Variants in DMRT1 observed in about 807,000 individuals in gnomAD.
The protein encoded by DMRT1 is doublesex- and mab-3-related transcription factor 1.
In DMRT1, 7 loss-of-function variants were observed where a neutral mutation model predicts 32.3. That is an observed-to-expected ratio of 0.22 (90% confidence interval 0.12 to 0.41). DMRT1 has a LOEUF of 0.41. Among genes scored for constraint, DMRT1 ranks in the 10% least tolerant of loss-of-function variants. The pLI is 1.00. For synonymous variants in DMRT1, 278 were observed against 206.1 expected (o/e 1.35, Z -2.99); for missense variants, 625 against 500.5 (o/e 1.25, Z -2.37).
At chr9:892,772 G>A (rs932540860) in intron 2 of DMRT1, among the ~76,000 whole-genome samples, 4 of 152,050 alleles carry the variant, frequency 2.6e-5, no homozygotes, top group South Asian at 2.1e-4. Context: ...ACTGAGGCCC[G>A]CCTCACCTTA....
chr9:884,472 G>A (rs916248855), intron 2 of DMRT1, among the ~76,000 whole-genome samples: 1 of 152,078 alleles, frequency 6.6e-6, no homozygotes, highest in Non-Finnish European at 1.5e-5. Flanking sequence ...TAGAATAAGA[G>A]GTGACTGAGC....
intron 2 of DMRT1, among the ~76,000 whole-genome samples, chr9:864,191 CTTCTT>C (rs1815855677): frequency 3.1e-5 from 2 of 64,738 alleles, no homozygotes; most frequent in Non-Finnish European, 9.9e-5. Context: ...ATTCTTTTAA[CTTCTT>C]CTTCTTCTTT....
intron 2 of DMRT1, among the ~76,000 whole-genome samples, chr9:866,825 C>A (rs1708609573): frequency 6.6e-6 from 1 of 152,130 alleles, no homozygotes; most frequent in African/African-American, 2.4e-5. Context: ...TTATCACCCT[C>A]TCCCTCAATT....
At chr9:857,642 A>G (rs967107051) in intron 2 of DMRT1, among the ~76,000 whole-genome samples, 1 of 151,792 alleles carries the variant, frequency 6.6e-6, no homozygotes, top group Admixed American at 6.6e-5. Flanking sequence ...TTCTATTATT[A>G]TACTTTAAGT....
chr9:961,582 T>C (rs10977837), intron 4 of DMRT1, among the ~76,000 whole-genome samples: 1,649 of 152,262 alleles, frequency 0.011, 40 homozygotes, highest in East Asian at 0.089. Context: ...CTCAAAAAGA[T>C]TGAAAAAGGC....
At chr9:918,890 G>C (rs1818267725) in intron 4 of DMRT1, among the ~76,000 whole-genome samples, 1 of 152,142 alleles carries the variant, frequency 6.6e-6, no homozygotes, top group African/African-American at 2.4e-5. Context: ...AAAGCAAGTG[G>C]GAAGGTAAAG....
chr9:856,511 T>C (rs561731048), intron 2 of DMRT1, among the ~76,000 whole-genome samples: 3 of 152,356 alleles, frequency 2.0e-5, no homozygotes, highest in African/African-American at 7.2e-5. Context: ...TGTGTCTTAC[T>C]TCTCTTACTT....
chr9:936,195 A>C (rs1038790464), intron 4 of DMRT1, among the ~76,000 whole-genome samples: 1 of 152,128 alleles, frequency 6.6e-6, no homozygotes, highest in Non-Finnish European at 1.5e-5. Context: ...GTGTTGCTTG[A>C]TACTTATTTA....
At position 863,665 on chromosome 9, in the gene DMRT1, C is replaced by T. The variant is rs750590817; in HGVS notation, c.538+16522C>T. ...CCACAGACACCTTGACAGAGACTGG[C>T]GTCAGATTTCGGACCCACAGAACTC... On this transcript the variant is annotated intron_variant, in intron 2 of 4. Coordinates refer to ENST00000382276, the MANE Select transcript of DMRT1 (RefSeq NM_021951.3). 7.2e-5 allele frequency among the ~76,000 whole-genome samples: 11 copies of T among 152,160 alleles called. 1 individual carries two copies. The highest frequency in any genetic ancestry group is 1.9e-4 in the East Asian group (1 of 5,192).
At chr9:911,469 CATTTTTTTTTTTTTTTTTTTTTTTTT>C (rs2129740817) in intron 3 of DMRT1, among the ~76,000 whole-genome samples, 1 of 69,006 alleles carries the variant, frequency 1.4e-5, no homozygotes, top group East Asian at 4.3e-4. Flanking sequence ...GGGTTAATTG[CATTTTTTTTTTTTTTTTTTTTTTTTT>C]TTTTTTTTTT....
intron 4 of DMRT1, among the ~76,000 whole-genome samples, chr9:920,954 G>T (rs2093602): frequency 0.61 from 92,425 of 152,018 alleles, 29,076 homozygotes; most frequent in South Asian, 0.71. Context: ...GTCTGTTGAG[G>T]TTGATAAAAT....
chr9:858,803 G>A (rs994624286), intron 2 of DMRT1, among the ~76,000 whole-genome samples: 4 of 150,474 alleles, frequency 2.7e-5, no homozygotes, highest in African/African-American at 9.8e-5. Flanking sequence ...GAACCTGGGA[G>A]TCGGAGGTTG....
chr9:858,868 A>T (rs201834190), intron 2 of DMRT1, among the ~76,000 whole-genome samples: 1,415 of 16,900 alleles, frequency 0.084, 10 homozygotes, highest in East Asian at 0.22. Context: ...AAAAAAAAAA[A>T]AAATATATAT....
intron 4 of DMRT1, among the ~76,000 whole-genome samples, chr9:918,714 C>T (rs534495719): frequency 6.3e-5 from 5 of 78,992 alleles, no homozygotes; most frequent in Admixed American, 3.0e-4. Context: ...GCTTCAGAAA[C>T]GAGAGCTGGG....
intron 2 of DMRT1, among the ~76,000 whole-genome samples, chr9:860,842 G>A (rs1291128818): frequency 1.3e-5 from 2 of 152,154 alleles, no homozygotes; most frequent in Non-Finnish European, 2.9e-5. Flanking sequence ...GGAGGAAGGA[G>A]CAGCAAGGTG....
At chr9:936,929 ACTAT>A (rs1454826550) in intron 4 of DMRT1, among the ~76,000 whole-genome samples, 3 of 152,188 alleles carry the variant, frequency 2.0e-5, no homozygotes, top group South Asian at 2.1e-4. Context: ...AACCATCACC[ACTAT>A]CTATTTGCAG....
At chr9:878,563 A>G (rs55873183) in intron 2 of DMRT1, among the ~76,000 whole-genome samples, 6,658 of 152,290 alleles carry the variant, frequency 0.044, 189 homozygotes, top group Non-Finnish European at 0.07. Context: ...GTCTGACCTC[A>G]GAGAAGGCCA....
chr9:910,203 A>C (rs1051467435), intron 3 of DMRT1, among the ~76,000 whole-genome samples: 1 of 152,222 alleles, frequency 6.6e-6, no homozygotes, highest in Non-Finnish European at 1.5e-5. Context: ...AGCATGAAGA[A>C]TCAAGATACC....
chr9:937,689 T>A (rs1818932021), intron 4 of DMRT1, among the ~76,000 whole-genome samples: 1 of 152,214 alleles, frequency 6.6e-6, no homozygotes, highest in East Asian at 1.9e-4. Flanking sequence ...ATTTTTAAAT[T>A]GGGTTGTTTG....
Sources: gnomAD v4.1 joint callset for allele counts (sites outside exome capture counted in the v4.1 genomes callset) on GRCh38, gnomAD v4.1.1 for gene constraint, MANE v1.5 for transcripts, NCBI Gene and HGNC (gene_info 2026-07-23, HGNC 2026-07-21) for gene names.